Variants in ECI1 observed in about 807,000 individuals in gnomAD.
The protein encoded by ECI1 is enoyl-CoA delta isomerase 1, mitochondrial.
ECI1 carries 34 observed loss-of-function variants against 34.2 expected under a neutral mutation model. The observed-to-expected ratio is 1.00, with a 90% CI of 0.76 to 1.33. ECI1 has a LOEUF of 1.33. Among genes scored for constraint, ECI1 ranks in the 40% most tolerant of loss-of-function variants. The pLI, the probability that ECI1 is intolerant of heterozygous loss-of-function variation, is 0.00. For synonymous variants in ECI1, 211 were observed against 193.0 expected, an observed-to-expected ratio of 1.09 and a Z score of -0.77; for missense variants, 456 against 422.2, an observed-to-expected ratio of 1.08 and a Z score of -0.70.
rs371123821 is a variant in ECI1 at position 2,244,554 on chromosome 16, T to C, written c.295-2A>G. 1.3e-4 allele frequency: 200 copies of C among 1,580,416 alleles called. No individual in the cohort carries two copies. The highest frequency in any genetic ancestry group is 1.6e-4 in the Non-Finnish European group (190 of 1,163,734). On this transcript the variant is annotated splice_acceptor_variant, in intron 3 of 6. Transcript: ENST00000301729. LOFTEE classifies it high-confidence loss of function. The stretch of plus-strand genomic sequence containing the variant: ...GGCCGAGAAGACACCCGGGCGGTCC[T>C]GCAGGGGGAGCCGGGGCCACATGCC...
chr16:2,239,977 C>T lies in ECI1; in HGVS notation c.*2G>A, dbSNP rs115501289. On this transcript the variant is annotated 3_prime_UTR_variant, in exon 7 of 7. Coordinates refer to ENST00000301729, the MANE Select transcript of ECI1 (RefSeq NM_001919.4). ...GGCCGTAAGCCTGTGGCAGCCCAAT[C>T]GTTAGCCTTTTTCTTCTTTGAGCCT... is the stretch of plus-strand genomic sequence containing the variant. 296 of 1,613,618 alleles carry T rather than the reference C, an allele frequency of 1.8e-4. 1 individual carries two copies. In the African/African-American group the frequency reaches 2.9e-3, roughly 16 times the overall value.
intron 6 of ECI1, among the ~76,000 whole-genome samples, chr16:2,241,307 CTTTT>C (rs1189664178): frequency 6.6e-6 from 1 of 152,010 alleles, no homozygotes; most frequent in Non-Finnish European, 1.5e-5. Context: ...ATAGTTTTTA[CTTTT>C]TTTGAGAGGA....
Position 2,239,528 on chromosome 16 carries a change from T to C in ECI1, c.*451A>G. 3.8e-6 allele frequency: 1 copy of C among 260,702 alleles called. No individual in the cohort carries two copies. Among genetic ancestry groups the C allele is most frequent in the Non-Finnish European group, 7.6e-6 (1 of 131,830 alleles). The allele number at this position is 260,702 out of a possible 1,614,324, so 16.1% of individuals were successfully genotyped here. On this transcript the variant is annotated 3_prime_UTR_variant, in exon 7 of 7. Coordinates refer to ENST00000301729, the MANE Select transcript of ECI1 (RefSeq NM_001919.4). ...CCAGTTGCTCTGATTCACTGTGCGC[T>C]CTTCATCCTGATGAGTAAGGGCAGT...
In ECI1 at chr16:2,240,060, G is replaced by A; in HGVS notation, c.828C>T (p.Asn276=). 6.2e-7 allele frequency: 1 copy of A among 1,614,016 alleles called. No individual in the cohort carries two copies. The highest frequency in any genetic ancestry group is 8.5e-7 in the Non-Finnish European group (1 of 1,180,028). ...AGTCTTTGGAGATGAAGCTGACGAA[G>A]TTCTGCACGTCCGCATCGCGCTGCG... ...LVTQRDADVQ[N]FVSFISKDSI... The change falls in exon 7 of 7, where the codon AAC becomes AAT. Residue 276 remains asparagine (N), a synonymous_variant. Transcript: ENST00000301729.
At position 2,240,103 on chromosome 16, in the gene ECI1, GTGGCCTTTCGCATCA is replaced by G. The variant is rs759194564; in HGVS notation, c.770_784del (p.Met257_Ala261del). On this transcript the variant is annotated inframe_deletion, in exon 7 of 7. Coordinates refer to ENST00000301729, the MANE Select transcript of ECI1 (RefSeq NM_001919.4). ...GCGCTGCGTGACCAGGCGGCTGGCC[GTGGCCTTTCGCATCA>G]TGGCCTTGGTCAGCTGTCGAGCATG... is the stretch of plus-strand genomic sequence containing the variant. The G allele has an allele frequency of 6.2e-7, 1 of 1,613,848 alleles. No homozygotes were observed. The highest frequency in any genetic ancestry group is 1.7e-5 in the Admixed American group (1 of 60,026).
Position 2,251,532 on chromosome 16 carries a change from C to A in ECI1, c.35G>T (p.Arg12Leu). Residue 12 changes from arginine (R) to leucine (L), a missense_variant, in exon 1 of 7, where the codon CGC becomes CTC. By Grantham distance (102) the Arg-to-Leu change is moderately radical (BLOSUM62 -2). Transcript: ENST00000301729. ...TTTCGCACCCGCGCGGAGCAGAACG[C>A]GCGCCGGGACTCGCACAGAAGCCAC... ...ALVASVRVPA[R>L]VLLRAGARLP... 1.9e-6 allele frequency: 3 copies of A among 1,560,564 alleles called. No homozygotes were observed. Among genetic ancestry groups the A allele is most frequent in the Non-Finnish European group, 2.6e-6 (3 of 1,153,666 alleles).
At chr16:2,241,529 T>C (rs1293772896) in intron 6 of ECI1, 3 of 152,196 alleles carry the variant, frequency 2.0e-5, no homozygotes, top group Non-Finnish European at 4.4e-5. Flanking sequence ...ACTCCTGACC[T>C]CAGGTGATCC....
chr16:2,247,050 G>A, intron 2 of ECI1, 64 bp from the exon 3 acceptor site: 7 of 1,585,654 alleles, frequency 4.4e-6, no homozygotes, highest in East Asian at 4.5e-5. Flanking sequence ...TGACCAGCCT[G>A]CACCCTCAAC....
intron 4 of ECI1, 129 bp from the exon 5 acceptor site, chr16:2,243,568 A>G (rs1382398813): frequency 8.9e-5 from 100 of 1,123,018 alleles, no homozygotes; most frequent in Non-Finnish European, 1.2e-4. Context: ...AACACCCACA[A>G]TGGTCTGGGC....
At chr16:2,242,964 C>T (rs1002798923) in intron 6 of ECI1, 82 bp downstream of exon 6, 39 of 1,102,966 alleles carry the variant, frequency 3.5e-5, no homozygotes, top group East Asian at 1.7e-4. Flanking sequence ...CCCGAAGTCA[C>T]GATGTCCACA....
At chr16:2,249,149 C>T (rs1162569258) in intron 2 of ECI1, among the ~76,000 whole-genome samples, 1 of 152,018 alleles carries the variant, frequency 6.6e-6, no homozygotes, top group African/African-American at 2.4e-5. Flanking sequence ...GGGTTCACAC[C>T]ATTCTCCTGC....
chr16:2,242,783 A>G (rs531004949), intron 6 of ECI1: 2 of 521,622 alleles, frequency 3.8e-6, no homozygotes, highest in Non-Finnish European at 3.4e-6. Context: ...GCGGGGCAGG[A>G]AGGAGCCTCC....
At chr16:2,249,741 G>C (rs1030158243) in intron 2 of ECI1, among the ~76,000 whole-genome samples, 24 of 151,490 alleles carry the variant, frequency 1.6e-4, no homozygotes, top group African/African-American at 5.3e-4. Flanking sequence ...AGCCGGGCGT[G>C]GTGGCGGGCG....
chr16:2,249,795 G>A (rs2093548551), intron 2 of ECI1, among the ~76,000 whole-genome samples: 1 of 142,284 alleles, frequency 7.0e-6, no homozygotes, highest in Non-Finnish European at 1.5e-5. Flanking sequence ...GAAGAATGGT[G>A]TGAACCCGGG....
chr16:2,250,178 G>A (rs2093549843), intron 2 of ECI1, among the ~76,000 whole-genome samples: 1 of 141,906 alleles, frequency 7.0e-6, no homozygotes, highest in Non-Finnish European at 1.5e-5. Flanking sequence ...AGAATCGCTT[G>A]AACCCAGGAG....
At chr16:2,243,665 G>A (rs1052264546) in intron 4 of ECI1, among the ~76,000 whole-genome samples, 7 of 152,212 alleles carry the variant, frequency 4.6e-5, no homozygotes, top group African/African-American at 1.4e-4. Flanking sequence ...GTCCTCAGCC[G>A]AGGGTCATTA....
rs773998955 is a variant in ECI1, at chr16:2,240,101, C to CCG, written c.785_786dup (p.Ala263ArgfsTer33). On this transcript the variant is annotated frameshift_variant, in exon 7 of 7. Transcript: ENST00000301729. LOFTEE classifies it high-confidence loss of function. Reference sequence around the variant, plus strand: ...TCGCGCTGCGTGACCAGGCGGCTGGCCGTGGCCTTTCGCATCATGGCCTTG... The same window carrying CCG: ...TCGCGCTGCGTGACCAGGCGGCTGGCCGCGTGGCCTTTCGCATCATGGCCTTG... 6.8e-6 allele frequency: 11 copies of CCG among 1,613,750 alleles called. No individual in the cohort carries two copies. In the Admixed American group the frequency reaches 1.8e-4, roughly 27 times the overall value.
At chr16:2,245,374 C>T (rs190112203) in intron 3 of ECI1, among the ~76,000 whole-genome samples, 134 of 152,306 alleles carry the variant, frequency 8.8e-4, no homozygotes, top group Non-Finnish European at 1.6e-3. Context: ...GGAAGGAGGG[C>T]GACAGCCACC....
intron 2 of ECI1, among the ~76,000 whole-genome samples, chr16:2,249,636 C>G (rs1332469381): frequency 1.3e-5 from 2 of 151,058 alleles, no homozygotes; most frequent in African/African-American, 4.9e-5. Context: ...CTTTGGGAGG[C>G]CGAGGCGGGT....
Sources: gnomAD v4.1 joint callset for allele counts (sites outside exome capture counted in the v4.1 genomes callset) on GRCh38, gnomAD v4.1.1 for gene constraint, MANE v1.5 for transcripts, NCBI Gene and HGNC (gene_info 2026-07-23, HGNC 2026-07-21) for gene names.